Variants in MYO5B observed in about 807,000 individuals in gnomAD.
MYO5B encodes myosin VB, also known as unconventional myosin-Vb.
A neutral mutation model predicts 229.3 loss-of-function variants in MYO5B; 143 were observed. The observed-to-expected ratio is 0.62, with a 90% CI of 0.54 to 0.72. The LOEUF is 0.72. Ranked by LOEUF, MYO5B falls within the 30% of genes least tolerant of loss-of-function variation. The probability of loss-of-function intolerance (pLI) is 0.00; values close to 1 mark genes in which losing one functional copy is unlikely to be tolerated. For missense variants in MYO5B, 2,321 were observed against 2,331.0 expected, an observed-to-expected ratio of 1.00 and a Z score of 0.09; for synonymous variants, 918 against 885.2, an observed-to-expected ratio of 1.04 and a Z score of -0.66.
rs1030549638 is a variant in MYO5B at position 49,906,530 on chromosome 18, G to A, written c.2303C>T (p.Thr768Ile). Residue 768 changes from threonine to isoleucine, a missense_variant, in exon 19 of 40, where the codon ACC (threonine) becomes ATC (isoleucine). Transcript: ENST00000285039. ...KLRADKFRTA[T>I]IMIQKTVRGW... ...CCGGACAGTTTTCTGGATCATGATGGTGGCTGTCCGGAACTTGTCAGCCCG... is the reference window on the plus strand; with the variant it reads ...CCGGACAGTTTTCTGGATCATGATGATGGCTGTCCGGAACTTGTCAGCCCG... 1 of 1,614,180 alleles carries A rather than the reference G, an allele frequency of 6.2e-7. No individual in the cohort carries two copies. Among genetic ancestry groups the A allele is most frequent in the Admixed American group, 1.7e-5 (1 of 60,024 alleles).
At position 49,950,960 on chromosome 18, in the gene MYO5B, A is replaced by G. The variant is rs759865963; in HGVS notation, c.1752+2300T>C. 5.5e-4 allele frequency among the ~76,000 whole-genome samples: 84 copies of G among 152,316 alleles called. 1 individual carries two copies. The highest frequency in any genetic ancestry group is 3.4e-3 in the Middle Eastern group (1 of 294). ...TGTGCCTAAATTGTTCATGCAAACAATAATTTATGTTGAGCATCTGCTTTC... is the reference window on the plus strand; with the variant it reads ...TGTGCCTAAATTGTTCATGCAAACAGTAATTTATGTTGAGCATCTGCTTTC... On this transcript the variant is annotated intron_variant, in intron 14 of 39. Transcript: ENST00000285039.
intron 7 of MYO5B, among the ~76,000 whole-genome samples, chr18:49,985,093 C>T (rs2025857031): frequency 6.6e-6 from 1 of 152,166 alleles, no homozygotes; most frequent in Non-Finnish European, 1.5e-5. Flanking sequence ...ACACAAAAGG[C>T]ATATACGTCA....
intron 30 of MYO5B, among the ~76,000 whole-genome samples, chr18:49,855,489 A>ACAAGGATCCTTCCTC (rs1189275717): frequency 3.3e-5 from 5 of 152,246 alleles, no homozygotes; most frequent in Non-Finnish European, 2.9e-5. Context: ...CTGGCTTCAC[A>ACAAGGATCCTTCCTC]CAAGGATCCT....
chr18:49,977,838 C>T (rs2025768753), intron 9 of MYO5B, among the ~76,000 whole-genome samples: 1 of 152,186 alleles, frequency 6.6e-6, no homozygotes, highest in South Asian at 2.1e-4. Flanking sequence ...GTGCTAAAAC[C>T]TTTCCACACA....
At position 50,191,859 on chromosome 18, in the gene MYO5B, G is replaced by C. The variant is rs192244349; in HGVS notation, c.27+2908C>G. Among the ~76,000 whole-genome samples, 7 of 152,322 alleles carry C rather than the reference G, an allele frequency of 4.6e-5. No individual in the cohort carries two copies. The East Asian group carries it at 1.3e-3, about 29-fold the overall frequency. The stretch of plus-strand genomic sequence containing the variant: ...GAAAGTTAAGTCATCAGTTTGAAAA[G>C]AAGCCCCTATCAGGGCAACATGAAT... On this transcript the variant is annotated intron_variant, in intron 1 of 39. Coordinates refer to ENST00000285039, the MANE Select transcript of MYO5B (RefSeq NM_001080467.3).
intron 4 of MYO5B, among the ~76,000 whole-genome samples, chr18:50,027,437 C>T (rs748814418): frequency 7.2e-5 from 11 of 152,148 alleles, no homozygotes; most frequent in Non-Finnish European, 1.6e-4. Flanking sequence ...AACAAGTGCA[C>T]ACACACATGC....
intron 4 of MYO5B, among the ~76,000 whole-genome samples, chr18:50,032,341 A>T (rs1221611855): frequency 1.3e-5 from 2 of 152,176 alleles, no homozygotes; most frequent in Admixed American, 6.5e-5. Context: ...CCCCCAAAAA[A>T]ACATAACTCT....
intron 1 of MYO5B, among the ~76,000 whole-genome samples, chr18:50,103,988 C>T (rs1488229525): frequency 7.1e-6 from 1 of 140,100 alleles, no homozygotes; most frequent in Non-Finnish European, 1.5e-5. Flanking sequence ...ACAGTGAGAT[C>T]CCATCTCCAT....
At chr18:50,190,702 G>A (rs1445647502) in intron 1 of MYO5B, among the ~76,000 whole-genome samples, 1 of 152,170 alleles carries the variant, frequency 6.6e-6, no homozygotes, top group African/African-American at 2.4e-5. Flanking sequence ...CATTTAATTG[G>A]ATGGAGGGAA....
chr18:50,085,293 A>C (rs1016008774), intron 1 of MYO5B, among the ~76,000 whole-genome samples: 6 of 152,226 alleles, frequency 3.9e-5, no homozygotes, highest in Non-Finnish European at 8.8e-5. Flanking sequence ...ACATTTATGC[A>C]GCCAAAAAAC....
intron 26 of MYO5B, among the ~76,000 whole-genome samples, chr18:49,874,851 C>T (rs1431986813): frequency 6.6e-6 from 1 of 152,178 alleles, no homozygotes; most frequent in African/African-American, 2.4e-5. Context: ...GTTCTTTCCT[C>T]CTTAGCACTG....
At chr18:50,182,309 T>C (rs1000450628) in intron 1 of MYO5B, among the ~76,000 whole-genome samples, 1 of 152,198 alleles carries the variant, frequency 6.6e-6, no homozygotes, top group African/African-American at 2.4e-5. Flanking sequence ...TGGATATCCA[T>C]ACATGCCCCC....
Position 49,925,509 on chromosome 18 carries a change from C to T in MYO5B, c.2090+4003G>A, listed in dbSNP as rs373397763. Among the ~76,000 whole-genome samples the T allele has an allele frequency of 3.0e-4, 46 of 152,330 alleles. 1 individual carries two copies. In the South Asian group the frequency reaches 9.5e-3, roughly 32 times the overall value. On this transcript the variant is annotated intron_variant, in intron 17 of 39. Transcript: ENST00000285039. The stretch of plus-strand genomic sequence containing the variant: ...CATTCATATTTGGCTCAGAAGAAAT[C>T]TCTTCAAATATTCTATAGTTTGACT...
intron 1 of MYO5B, among the ~76,000 whole-genome samples, chr18:50,151,083 G>A (rs141356090): frequency 2.6e-5 from 4 of 152,294 alleles, no homozygotes; most frequent in African/African-American, 9.6e-5. Context: ...GCTGTCTCTT[G>A]GGTCAAGCTT....
At chr18:50,107,433 C>G (rs901387034) in intron 1 of MYO5B, among the ~76,000 whole-genome samples, 2 of 152,064 alleles carry the variant, frequency 1.3e-5, no homozygotes, top group Non-Finnish European at 2.9e-5. Flanking sequence ...CAGCTCCTCC[C>G]GCCACAACCA....
chr18:50,189,144 C>A (rs2033194083), intron 1 of MYO5B, among the ~76,000 whole-genome samples: 1 of 152,160 alleles, frequency 6.6e-6, no homozygotes, highest in Non-Finnish European at 1.5e-5. Context: ...GGGCCAAAGC[C>A]CTTGAGATTC....
rs190783015 is a variant in MYO5B, at chr18:50,018,538, C to T, written c.456-17127G>A. Among the ~76,000 whole-genome samples, 11 of 152,230 alleles carry T rather than the reference C, an allele frequency of 7.2e-5. 1 individual carries two copies. Among genetic ancestry groups the T allele is most frequent in the Admixed American group, 5.2e-4 (8 of 15,294 alleles). On this transcript the variant is annotated intron_variant, in intron 4 of 39. Transcript: ENST00000285039. ...GCTTTATGAAAATAATAATAGCTAACTCTCATATAGCATCTTCCGGGTAGG... is the reference window on the plus strand; with the variant it reads ...GCTTTATGAAAATAATAATAGCTAATTCTCATATAGCATCTTCCGGGTAGG...
chr18:50,141,708 C>T (rs1392890046), intron 1 of MYO5B, among the ~76,000 whole-genome samples: 1 of 152,166 alleles, frequency 6.6e-6, no homozygotes, highest in Non-Finnish European at 1.5e-5. Flanking sequence ...ATAACAAAGG[C>T]AAGACCCCTT....
chr18:50,016,139 GTGC>G (rs2026213016), intron 4 of MYO5B, among the ~76,000 whole-genome samples: 1 of 152,196 alleles, frequency 6.6e-6, no homozygotes, highest in Non-Finnish European at 1.5e-5. Flanking sequence ...CATGATCAGA[GTGC>G]CATGCAACCC....
Sources: allele counts gnomAD v4.1 joint callset (sites outside exome capture counted in the v4.1 genomes callset), GRCh38; gene constraint gnomAD v4.1.1; transcripts MANE v1.5; gene names NCBI Gene and HGNC (gene_info 2026-07-23, HGNC 2026-07-21).